Variants in DUSP4 observed in about 807,000 individuals in gnomAD.
DUSP4 encodes the protein dual specificity protein phosphatase 4.
In DUSP4, 12 loss-of-function variants were observed where a neutral mutation model predicts 27.2. The observed-to-expected ratio is 0.44, with a 90% CI of 0.28 to 0.71. The LOEUF is 0.71. DUSP4 is among the 30% of genes least tolerant of loss of function. DUSP4 has a pLI of 0.14. For synonymous variants in DUSP4, 257 were observed against 245.2 expected (o/e 1.05, Z -0.45); for missense variants, 448 against 551.3 (o/e 0.81, Z 1.88).
At chr8:29,348,890 G>C (rs1026840129) in intron 1 of DUSP4, 1 of 644,422 alleles carries the variant, frequency 1.6e-6, no homozygotes, top group Non-Finnish European at 1.9e-6. Flanking sequence ...AGCGCGGCGG[G>C]GGGCGCCCGG....
Position 29,337,017 on chromosome 8 carries a change from A to C in DUSP4, c.*9T>G, listed in dbSNP as rs749875567. ...AGCCAGCTCTGGTTCTGGGGCCCCC[A>C]GGGCGGCTCTAACAGCTGGGAGAGG... On this transcript the variant is annotated 3_prime_UTR_variant, in exon 4 of 4. Transcript: ENST00000240100. The surrounding 1 kb of genome is among the most constrained non-coding windows in gnomAD (Gnocchi z 6.4). 1.3e-6 allele frequency: 2 copies of C among 1,582,576 alleles called. No individual in the cohort carries two copies. Among genetic ancestry groups the C allele is most frequent in the African/African-American group, 2.7e-5 (2 of 74,372 alleles).
At position 29,349,843 on chromosome 8, in the gene DUSP4, T is replaced by G. The variant is rs1817795606; in HGVS notation, c.433+3A>C. 2 of 1,484,230 alleles carry G rather than the reference T, an allele frequency of 1.3e-6. No individual in the cohort carries two copies. Among genetic ancestry groups the G allele is most frequent in the Middle Eastern group, 1.9e-4 (1 of 5,188 alleles). The allele number at this position is 1,484,230 out of a possible 1,614,324, so 91.9% of individuals were successfully genotyped here. ...CCAGCTAGCGCCCGGAGCCCTCGTTTACCTTTGAGCAGGCAGATGTCGGTG... is the reference window on the plus strand; with the variant it reads ...CCAGCTAGCGCCCGGAGCCCTCGTTGACCTTTGAGCAGGCAGATGTCGGTG... On this transcript the variant is annotated splice_donor_region_variant and intron_variant, in intron 1 of 3. Transcript: ENST00000240100.
chr8:29,347,871 G>A (rs1817757610), intron 1 of DUSP4: 1 of 985,570 alleles, frequency 1.0e-6, no homozygotes, highest in African/African-American at 1.7e-5. Context: ...GGAAATGGAG[G>A]AGGTTGGGGA....
At chr8:29,349,309 C>G (rs1199161964) in intron 1 of DUSP4, among the ~76,000 whole-genome samples, 3 of 152,270 alleles carry the variant, frequency 2.0e-5, no homozygotes, top group African/African-American at 7.2e-5. Context: ...ACAGATCGCT[C>G]TACACAGTGT....
chr8:29,336,777 C>T lies in DUSP4; in HGVS notation c.*249G>A. On this transcript the variant is annotated 3_prime_UTR_variant, in exon 4 of 4. Transcript: ENST00000240100. The stretch of plus-strand genomic sequence containing the variant: ...GGAAAAGTGAAACTGACACATAAAC[C>T]AAACCAAGGTCTTCCCTGGCTGCTG... The T allele has an allele frequency of 2.1e-6, 1 of 472,660 alleles. No individual in the cohort carries two copies. 29.3% of individuals were successfully genotyped at this position (472,660 alleles called of 1,614,324 possible).
At chr8:29,347,721 A>G (rs1817755207) in intron 1 of DUSP4, 1 of 983,548 alleles carries the variant, frequency 1.0e-6, no homozygotes. Flanking sequence ...TCCAGGAGGA[A>G]ACAGCCCTTA....
At position 29,345,324 on chromosome 8, in the gene DUSP4, G is replaced by A; in HGVS notation, c.433+4522C>T. 3 of 1,606,734 alleles carry A rather than the reference G, an allele frequency of 1.9e-6. No individual in the cohort carries two copies. The South Asian group carries it at 3.3e-5, about 18-fold the overall frequency. On this transcript the variant is annotated intron_variant, in intron 1 of 3. Transcript: ENST00000240100. ...GACTGTTGACTTAGTAAGCACCTAT[G>A]TAAATGCTGAGCTGTATTTAAAATC... is the stretch of plus-strand genomic sequence containing the variant.
rs1334349983 is a variant in DUSP4, at chr8:29,350,084, G to C, written c.195C>G (p.Val65=). The part of the protein sequence containing the change: ...AHSAGYILGS[V]NVRCNTIVRR... ...GCACGATGGTGTTACAGCGCACGTT[G>C]ACCGAACCTAGGATGTAGCCCGCGC... The change falls in exon 1 of 4, where the codon GTC becomes GTG. Residue 65 remains valine (V), a synonymous_variant. Transcript: ENST00000240100. 6.2e-7 allele frequency: 1 copy of C among 1,607,334 alleles called. No homozygotes were observed.
chr8:29,338,641 C>T (rs1316078671), intron 2 of DUSP4, 140 bp from the exon 3 acceptor site: 5 of 911,380 alleles, frequency 5.5e-6, no homozygotes, highest in Non-Finnish European at 8.2e-6. Flanking sequence ...CCCAGCCTCC[C>T]CCTGTAGCCT....
In DUSP4 at chr8:29,336,691, T is replaced by A. The variant is rs1464186001; in HGVS notation, c.*335A>T. 1 of 226,536 alleles carries A rather than the reference T, an allele frequency of 4.4e-6. No homozygotes were observed. The allele number at this position is 226,536 out of a possible 1,614,324, so 14.0% of individuals were successfully genotyped here. ...AGCTGGTTGGGCACATTTGCTAGGA[T>A]CTGTGGGTTTCATCACTTCAAGCCT... On this transcript the variant is annotated 3_prime_UTR_variant, in exon 4 of 4. Coordinates refer to ENST00000240100, the MANE Select transcript of DUSP4 (RefSeq NM_001394.7).
In DUSP4 at chr8:29,336,704, T is replaced by C. The variant is rs573243601; in HGVS notation, c.*322A>G. On this transcript the variant is annotated 3_prime_UTR_variant, in exon 4 of 4. Coordinates refer to ENST00000240100, the MANE Select transcript of DUSP4 (RefSeq NM_001394.7). ...CATTTGCTAGGATCTGTGGGTTTCA[T>C]CACTTCAAGCCTTACTGCTTAAAAA... The C allele has an allele frequency of 2.8e-5, 7 of 248,822 alleles. No individual in the cohort carries two copies. Among genetic ancestry groups the C allele is most frequent in the Non-Finnish European group, 4.6e-5 (6 of 130,402 alleles). 15.4% of individuals were successfully genotyped at this position (248,822 alleles called of 1,614,324 possible). A position where few individuals can be genotyped will look rare whatever the true frequency, so the allele number is the denominator to read the frequency against.
intron 1 of DUSP4, among the ~76,000 whole-genome samples, chr8:29,344,163 G>A (rs1010698832): frequency 6.6e-6 from 1 of 152,142 alleles, no homozygotes. Context: ...CTCTCAAAAT[G>A]TAAGAATTTC....
rs1817585079 is a variant in DUSP4, at chr8:29,337,113, G to A, written c.1098C>T (p.Phe366=). Reference sequence around the variant, plus strand: ...GCACGCCCACGGAGACCGGAAAGCTGAAGACGAACTGCGAGGTGGGGGTGG... The same window carrying A: ...GCACGCCCACGGAGACCGGAAAGCTAAAGACGAACTGCGAGGTGGGGGTGG... ...TPATPTSQFV[F]SFPVSVGVHS... Residue 366 remains phenylalanine (F), a synonymous_variant, in exon 4 of 4, where the codon TTC becomes TTT. Coordinates refer to ENST00000240100, the MANE Select transcript of DUSP4 (RefSeq NM_001394.7). This position sits in a 1 kb window ranked among gnomAD's most constrained non-coding sequence, Gnocchi z 6.4. 6.2e-7 allele frequency: 1 copy of A among 1,610,952 alleles called. No individual in the cohort carries two copies. Among genetic ancestry groups the A allele is most frequent in the Non-Finnish European group, 8.5e-7 (1 of 1,178,660 alleles).
At chr8:29,348,817 G>C (rs1442518466) in intron 1 of DUSP4, 2 of 984,690 alleles carry the variant, frequency 2.0e-6, no homozygotes, top group Non-Finnish European at 2.4e-6. Flanking sequence ...TACCGGGCTC[G>C]GAAGCGCAGA....
At chr8:29,340,017 T>C (rs923297272) in intron 2 of DUSP4, 81 bp downstream of exon 2, 5 of 1,493,118 alleles carry the variant, frequency 3.3e-6, no homozygotes, top group Non-Finnish European at 4.5e-6. Flanking sequence ...AAAAACACCG[T>C]CAGAACTCTG....
chr8:29,340,395 A>C (rs1817641510), intron 1 of DUSP4, 152 bp from the exon 2 acceptor site: 2 of 977,384 alleles, frequency 2.0e-6, no homozygotes, highest in Non-Finnish European at 1.5e-6. Context: ...GGACCTAGAG[A>C]ATGGCCATGG....
At chr8:29,342,357 C>G (rs904891556) in intron 1 of DUSP4, among the ~76,000 whole-genome samples, 1 of 152,166 alleles carries the variant, frequency 6.6e-6, no homozygotes, top group Non-Finnish European at 1.5e-5. Flanking sequence ...ATGAAAGTCC[C>G]CTGCACAAAG....
chr8:29,334,924 A>T lies in DUSP4; in HGVS notation c.*2102T>A, dbSNP rs1055616740. On this transcript the variant is annotated 3_prime_UTR_variant, in exon 4 of 4. Coordinates refer to ENST00000240100, the MANE Select transcript of DUSP4 (RefSeq NM_001394.7). ...GCGGAGCTTGGTGAAGTCAGGATGA[A>T]TGATGCCGTCACAGGTTCATGGTTC... 9.2e-5 allele frequency: 14 copies of T among 152,194 alleles called. No homozygotes were observed. The highest frequency in any genetic ancestry group is 8.5e-4 in the Admixed American group (13 of 15,274). 9.4% of individuals were successfully genotyped at this position (152,194 alleles called of 1,614,324 possible).
rs202225558 is a variant in DUSP4, at chr8:29,340,087, C to T, written c.579+11G>A. 9.1e-5 allele frequency: 141 copies of T among 1,557,256 alleles called. No homozygotes were observed. Among genetic ancestry groups the T allele is most frequent in the Non-Finnish European group, 1.2e-4 (133 of 1,150,602 alleles). Reference sequence around the variant, plus strand: ...TGCCCCCCACTTCCAAGCCCTGCCCCCCGAGTCTACCTGGTCGTGTAGTGG... The same window carrying T: ...TGCCCCCCACTTCCAAGCCCTGCCCTCCGAGTCTACCTGGTCGTGTAGTGG... On this transcript the variant is annotated intron_variant, in intron 2 of 3. Coordinates refer to ENST00000240100, the MANE Select transcript of DUSP4 (RefSeq NM_001394.7).
Sources: allele counts gnomAD v4.1 joint callset (sites outside exome capture counted in the v4.1 genomes callset), GRCh38; gene constraint gnomAD v4.1.1; non-coding constraint Gnocchi (gnomAD v3.1); transcripts MANE v1.5; gene names NCBI Gene and HGNC (gene_info 2026-07-23, HGNC 2026-07-21).